Variants in SYNPO2 observed in about 807,000 individuals in gnomAD.
SYNPO2 encodes the protein synaptopodin 2.
In SYNPO2, 56 loss-of-function variants were observed where a neutral mutation model predicts 85.0. That is an observed-to-expected ratio of 0.66 (90% CI 0.53 to 0.82). The LOEUF (loss-of-function observed/expected upper bound fraction) is 0.82, where lower values mean the gene tolerates loss of function less well. SYNPO2 is among the 40% of genes least tolerant of loss of function. SYNPO2 has a pLI of 0.00. For synonymous variants in SYNPO2, 602 were observed against 591.1 expected (o/e 1.02, Z -0.27); for missense variants, 1,575 against 1,534.2 (o/e 1.03, Z -0.44).
At chr4:119,048,629 GAAGAAAAC>G (rs1402175392) in intron 4 of SYNPO2, among the ~76,000 whole-genome samples, 1 of 152,160 alleles carries the variant, frequency 6.6e-6, no homozygotes, top group Non-Finnish European at 1.5e-5. Flanking sequence ...AGTAAGTCCT[GAAGAAAAC>G]AAGGTAGGAG....
chr4:119,027,254 G>A lies in SYNPO2; in HGVS notation c.885G>A (p.Lys295=), dbSNP rs148130853. ...TCCTCGACTGCTCTGACAGGCAGAA[G>A]ACAGAAGGGTGCAGGCTTCAGGCAG... ...EVILDCSDRQ[K]TEGCRLQAGK... is the part of the protein sequence containing the mutation. Residue 295 remains lysine, a synonymous_variant, in exon 3 of 5, where the codon AAG becomes AAA. Transcript: ENST00000307142. The A allele has an allele frequency of 1.2e-6, 2 of 1,614,074 alleles. No homozygotes were observed. The highest frequency in any genetic ancestry group is 2.7e-5 in the African/African-American group (2 of 74,930).
At chr4:118,896,857 A>G (rs1578527823) in intron 1 of SYNPO2, among the ~76,000 whole-genome samples, 1 of 152,222 alleles carries the variant, frequency 6.6e-6, no homozygotes. Context: ...TTATGTAACA[A>G]ATAACTATTT....
intron 1 of SYNPO2, among the ~76,000 whole-genome samples, chr4:119,022,524 T>TG (rs1449624343): frequency 2.8e-5 from 4 of 142,270 alleles, no homozygotes; most frequent in African/African-American, 1.1e-4. Flanking sequence ...TTTTTTTTTT[T>TG]TTTTTTTTTT....
At chr4:118,945,325 C>T (rs567749224) in intron 1 of SYNPO2, among the ~76,000 whole-genome samples, 1 of 152,190 alleles carries the variant, frequency 6.6e-6, no homozygotes, top group African/African-American at 2.4e-5. Flanking sequence ...AAGATCAATA[C>T]AGTATTACTT....
rs1323168639 is a variant in SYNPO2, at chr4:119,030,732, G to T, written c.1957G>T (p.Ala653Ser). 2 of 1,614,018 alleles carry T rather than the reference G, an allele frequency of 1.2e-6. No individual in the cohort carries two copies. Among genetic ancestry groups the T allele is most frequent in the African/African-American group, 2.7e-5 (2 of 74,902 alleles). ...PAQPPPWPQP[A>S]PWSQPAFYDS... Reference sequence around the variant, plus strand: ...ACAGCCCCCTCCATGGCCCCAGCCTGCCCCGTGGTCCCAGCCAGCCTTTTA... The same window carrying T: ...ACAGCCCCCTCCATGGCCCCAGCCTTCCCCGTGGTCCCAGCCAGCCTTTTA... Residue 653 changes from alanine to serine, a missense_variant, in exon 4 of 5, where the codon GCC becomes TCC. Physicochemically the swap from Ala to Ser is moderately conservative, Grantham distance 99. This residue lies in a region of SYNPO2 where 1,508 missense variants were observed against 1,446.8 expected (regional missense o/e 1.04). Coordinates refer to ENST00000307142, the MANE Select transcript of SYNPO2 (RefSeq NM_133477.3).
At chr4:118,981,757 G>A (rs78969215) in intron 1 of SYNPO2, among the ~76,000 whole-genome samples, 36 of 152,102 alleles carry the variant, frequency 2.4e-4, no homozygotes, top group Admixed American at 2.4e-3. Context: ...TGTTGCTGTC[G>A]TCCATTTTAC....
chr4:118,925,154 T>C (rs1304970942), intron 1 of SYNPO2, among the ~76,000 whole-genome samples: 1 of 152,180 alleles, frequency 6.6e-6, no homozygotes, highest in Non-Finnish European at 1.5e-5. Context: ...ACCGAAGTTT[T>C]AAGAATGTGA....
At chr4:119,039,802 A>C (rs1392479391) in intron 4 of SYNPO2, among the ~76,000 whole-genome samples, 2 of 152,070 alleles carry the variant, frequency 1.3e-5, no homozygotes, top group African/African-American at 4.8e-5. Flanking sequence ...AATTAAAAAG[A>C]AGACAAGACT....
Position 118,888,912 on chromosome 4 carries a change from G to T in SYNPO2, c.-125G>T. The T allele has an allele frequency of 1.1e-6, 1 of 920,004 alleles. No individual in the cohort carries two copies. The highest frequency in any genetic ancestry group is 1.4e-5 in the South Asian group (1 of 69,098). The allele number at this position is 920,004 out of a possible 1,614,324, so 57.0% of individuals were successfully genotyped here. On this transcript the variant is annotated 5_prime_UTR_variant, in exon 1 of 5. Transcript: ENST00000307142. ...CTGGGGCAGCGGCTGCAGCAGCGGC[G>T]GACGCTCTGCATTACCCAGTCTTGC...
chr4:119,004,695 A>G (rs1209028359), intron 1 of SYNPO2, among the ~76,000 whole-genome samples: 3 of 146,520 alleles, frequency 2.0e-5, no homozygotes, highest in Non-Finnish European at 3.0e-5. Context: ...ATACATGTGC[A>G]TGTGTCTTTA....
At chr4:118,890,144 T>C (rs1732313573) in intron 1 of SYNPO2, among the ~76,000 whole-genome samples, 1 of 151,970 alleles carries the variant, frequency 6.6e-6, no homozygotes, top group South Asian at 2.1e-4. Context: ...TTTTTGTAGT[T>C]ATTGTTTCCC....
At chr4:118,921,224 C>T (rs1733521045) in intron 1 of SYNPO2, among the ~76,000 whole-genome samples, 1 of 152,078 alleles carries the variant, frequency 6.6e-6, no homozygotes, top group East Asian at 1.9e-4. Flanking sequence ...AGTTCTTTAC[C>T]TAGTCCTTAA....
chr4:119,035,281 G>A, intron 4 of SYNPO2: 2 of 985,350 alleles, frequency 2.0e-6, no homozygotes, highest in Non-Finnish European at 1.2e-6. Context: ...ATAACGCTTG[G>A]GATTCTAGGA....
In SYNPO2 at chr4:119,061,201, C is replaced by A. The variant is rs569588805; in HGVS notation, c.*3267C>A. 6.6e-6 allele frequency: 1 copy of A among 152,028 alleles called. No individual in the cohort carries two copies. The highest frequency in any genetic ancestry group is 2.4e-5 in the African/African-American group (1 of 41,490). 9.4% of individuals were successfully genotyped at this position (152,028 alleles called of 1,614,324 possible). On this transcript the variant is annotated 3_prime_UTR_variant, in exon 5 of 5. Transcript: ENST00000307142. ...AAAGACTGTATTTGAAATATGCATA[C>A]GGAAAATTGAAATTATATTAGTAAT...
intron 1 of SYNPO2, among the ~76,000 whole-genome samples, chr4:118,919,056 T>C (rs1170794475): frequency 6.6e-6 from 1 of 152,206 alleles, no homozygotes; most frequent in Non-Finnish European, 1.5e-5. Flanking sequence ...ATTTTTAGCA[T>C]GGTGTTCCTA....
At chr4:118,926,302 A>G (rs1379747354) in intron 1 of SYNPO2, among the ~76,000 whole-genome samples, 4 of 152,296 alleles carry the variant, frequency 2.6e-5, no homozygotes, top group South Asian at 2.1e-4. Context: ...TTTTTTTCAC[A>G]TAATTCTTGA....
chr4:119,045,292 C>A (rs555412325), intron 4 of SYNPO2, among the ~76,000 whole-genome samples: 1 of 152,238 alleles, frequency 6.6e-6, no homozygotes, highest in Admixed American at 6.5e-5. Context: ...CAACATTTTT[C>A]TCTACAAAAA....
Position 118,888,923 on chromosome 4 carries a change from A to G in SYNPO2, c.-114A>G, listed in dbSNP as rs1013600158. ...GCTGCAGCAGCGGCGGACGCTCTGCATTACCCAGTCTTGCGTCCTCGGCAG... is the reference window on the plus strand; with the variant it reads ...GCTGCAGCAGCGGCGGACGCTCTGCGTTACCCAGTCTTGCGTCCTCGGCAG... On this transcript the variant is annotated 5_prime_UTR_variant, in exon 1 of 5. Coordinates refer to ENST00000307142, the MANE Select transcript of SYNPO2 (RefSeq NM_133477.3). The G allele has an allele frequency of 6.8e-5, 71 of 1,050,332 alleles. No homozygotes were observed. The South Asian group carries it at 8.7e-4, about 13-fold the overall frequency. 65.1% of individuals were successfully genotyped at this position (1,050,332 alleles called of 1,614,324 possible). A position where few individuals can be genotyped will look rare whatever the true frequency, so the allele number is the denominator to read the frequency against.
intron 1 of SYNPO2, among the ~76,000 whole-genome samples, chr4:119,019,065 G>A (rs1578647816): frequency 6.6e-6 from 1 of 152,216 alleles, no homozygotes; most frequent in East Asian, 1.9e-4. Flanking sequence ...TACTTGATGG[G>A]GGAGGCTGGG....
Sources: gnomAD v4.1 joint callset for allele counts (sites outside exome capture counted in the v4.1 genomes callset) on GRCh38, gnomAD v4.1.1 for gene constraint, gnomAD v4.1.1 regional missense constraint, MANE v1.5 for transcripts, NCBI Gene and HGNC (gene_info 2026-07-23, HGNC 2026-07-21) for gene names.